The following ALDH1L1 variants were observed in gnomAD, a reference collection of about 807,000 sequenced individuals.
The protein encoded by ALDH1L1 is cytosolic 10-formyltetrahydrofolate dehydrogenase.
In ALDH1L1, 68 loss-of-function variants were observed where a neutral mutation model predicts 101.1. The observed-to-expected ratio is 0.67, with a 90% CI of 0.55 to 0.82. The LOEUF (loss-of-function observed/expected upper bound fraction) is 0.82, where lower values mean the gene tolerates loss of function less well. ALDH1L1 is among the 40% of genes least tolerant of loss of function. The pLI, the probability that ALDH1L1 is intolerant of heterozygous loss-of-function variation, is 0.00. For missense variants in ALDH1L1, 1,087 were observed against 1,172.7 expected, an observed-to-expected ratio of 0.93 and a Z score of 1.07; for synonymous variants, 486 against 470.8, an observed-to-expected ratio of 1.03 and a Z score of -0.42.
chr3:126,122,997 G>A (rs2080108024), intron 16 of ALDH1L1, among the ~76,000 whole-genome samples: 1 of 152,176 alleles, frequency 6.6e-6, no homozygotes, highest in Non-Finnish European at 1.5e-5. Flanking sequence ...TCAAAAGGCA[G>A]AGATTATGAG....
chr3:126,110,257 C>T, intron 19 of ALDH1L1, 148 bp from the exon 20 acceptor site: 1 of 1,052,454 alleles, frequency 9.5e-7, no homozygotes, highest in Non-Finnish European at 1.4e-6. Flanking sequence ...GACTCTAAAT[C>T]CACCTTCCAG....
intron 10 of ALDH1L1, among the ~76,000 whole-genome samples, 197 bp downstream of exon 10, chr3:126,137,616 T>C (rs2108253940): frequency 6.6e-6 from 1 of 152,234 alleles, no homozygotes; most frequent in South Asian, 2.1e-4. Context: ...GACAGCAACA[T>C]CCTCTGGCAA....
At chr3:126,161,132 G>T in intron 1 of ALDH1L1, 130 bp from the exon 2 acceptor site, 1 of 1,072,310 alleles carries the variant, frequency 9.3e-7, no homozygotes, top group Non-Finnish European at 1.3e-6. Context: ...TCTGTGGGTG[G>T]CAGGCCACTG....
At chr3:126,162,500 G>T (rs1481348457) in intron 1 of ALDH1L1, among the ~76,000 whole-genome samples, 1 of 151,988 alleles carries the variant, frequency 6.6e-6, no homozygotes, top group African/African-American at 2.4e-5. Flanking sequence ...TCTTTTGTCT[G>T]TTTTTTTCCA....
At chr3:126,194,829 TA>T (rs2108356108) in intron 1 of ALDH1L1, among the ~76,000 whole-genome samples, 1 of 152,286 alleles carries the variant, frequency 6.6e-6, no homozygotes, top group South Asian at 2.1e-4. Flanking sequence ...ACCTTGCATG[TA>T]AAACTATTTT....
intron 9 of ALDH1L1, among the ~76,000 whole-genome samples, chr3:126,139,309 C>A (rs1228148070): frequency 6.6e-6 from 1 of 152,188 alleles, no homozygotes; most frequent in Non-Finnish European, 1.5e-5. Flanking sequence ...AACAATGGAA[C>A]AGAAAGTTCA....
chr3:126,123,140 G>A (rs1462341781), intron 16 of ALDH1L1, among the ~76,000 whole-genome samples: 1 of 152,158 alleles, frequency 6.6e-6, no homozygotes, highest in East Asian at 1.9e-4. Flanking sequence ...GAAAGCCAGT[G>A]TAGTAATACT....
chr3:126,103,919 T>C, intron 22 of ALDH1L1, 73 bp from the exon 23 acceptor site: 4 of 1,546,772 alleles, frequency 2.6e-6, no homozygotes, highest in Non-Finnish European at 3.5e-6. Flanking sequence ...AAGTGTCTTA[T>C]TCCTCAGCAA....
chr3:126,166,763 A>G (rs936647449), intron 1 of ALDH1L1, among the ~76,000 whole-genome samples: 1 of 152,150 alleles, frequency 6.6e-6, no homozygotes, highest in Non-Finnish European at 1.5e-5. Context: ...TGCCCTTCAC[A>G]GTGAAAAAAA....
intron 9 of ALDH1L1, among the ~76,000 whole-genome samples, chr3:126,145,253 G>A (rs1337226007): frequency 6.6e-6 from 1 of 152,238 alleles, no homozygotes; most frequent in Admixed American, 6.5e-5. Context: ...TTTGTGCACT[G>A]TTGGTGGGAA....
chr3:126,106,685 C>A (rs1945885424), intron 21 of ALDH1L1, among the ~76,000 whole-genome samples: 1 of 152,202 alleles, frequency 6.6e-6, no homozygotes, highest in Non-Finnish European at 1.5e-5. Flanking sequence ...CCGCAAGACC[C>A]CCAGCAGCAT....
At chr3:126,181,300 G>T, upstream of ALDH1L1, 1 of 437,130 alleles carries the variant, frequency 2.3e-6, no homozygotes, top group South Asian at 2.3e-5. Flanking sequence ...GTGTCCAGGT[G>T]GCTCCTTCTC....
intron 1 of ALDH1L1, among the ~76,000 whole-genome samples, chr3:126,192,746 C>T (rs2081559941): frequency 6.6e-6 from 1 of 152,298 alleles, no homozygotes; most frequent in Admixed American, 6.5e-5. Flanking sequence ...CAGAAATGAC[C>T]TTTCCACTTT....
At chr3:126,117,686 C>T (rs1434479320) in intron 17 of ALDH1L1, among the ~76,000 whole-genome samples, 3 of 151,988 alleles carry the variant, frequency 2.0e-5, no homozygotes, top group African/African-American at 7.2e-5. Context: ...AAAAAAAACC[C>T]CAAACATCCT....
chr3:126,174,296 C>T (rs1044865513), intron 1 of ALDH1L1, among the ~76,000 whole-genome samples: 12 of 152,234 alleles, frequency 7.9e-5, no homozygotes, highest in African/African-American at 2.9e-4. Context: ...TCCCAAAGTG[C>T]TGGTATTACA....
chr3:126,197,001 AT>A (rs34128176), intron 1 of ALDH1L1, among the ~76,000 whole-genome samples: 66,902 of 151,940 alleles, frequency 0.44, 14,859 homozygotes, highest in East Asian at 0.52. Context: ...GAACCCTAAA[AT>A]TCCTATCCCC....
chr3:126,157,550 G>A (rs763018707), intron 3 of ALDH1L1, 42 bp from the exon 4 acceptor site: 9 of 1,596,924 alleles, frequency 5.6e-6, no homozygotes, highest in Non-Finnish European at 7.7e-6. Context: ...ACGATGAAGG[G>A]CCACGGAGGA....
At chr3:126,177,882 T>C (rs1488496837) in intron 1 of ALDH1L1, among the ~76,000 whole-genome samples, 11 of 151,504 alleles carry the variant, frequency 7.3e-5, no homozygotes, top group Admixed American at 6.6e-4. Flanking sequence ...TCTACTATTA[T>C]AAAAATACAA....
intron 1 of ALDH1L1, 93 bp downstream of exon 1, chr3:126,180,383 G>A (rs2081452809): frequency 1.1e-6 from 1 of 918,876 alleles, no homozygotes. Flanking sequence ...CCGAGTCCTG[G>A]AGCCCCTGGA....
Sources: allele counts gnomAD v4.1 joint callset (sites outside exome capture counted in the v4.1 genomes callset), GRCh38; gene constraint gnomAD v4.1.1; transcripts MANE v1.5; gene names NCBI Gene and HGNC (gene_info 2026-07-23, HGNC 2026-07-21).